The following NRXN1 variants were observed in gnomAD, a reference collection of about 807,000 sequenced individuals.
The protein encoded by NRXN1 is neurexin 1.
Under a neutral mutation model 150.9 loss-of-function variants are expected in NRXN1, and 39 were observed. That is an observed-to-expected ratio of 0.26 (90% CI 0.20 to 0.34). The LOEUF is 0.34. NRXN1 is among the 10% of genes least tolerant of loss of function. The pLI is 1.00. For synonymous variants in NRXN1, 924 were observed against 757.0 expected, an observed-to-expected ratio of 1.22 and a Z score of -3.62; for missense variants, 1,815 against 1,949.9, an observed-to-expected ratio of 0.93 and a Z score of 1.30.
chr2:50,371,410 A>C (rs945360802), intron 17 of NRXN1, among the ~76,000 whole-genome samples: 4 of 152,054 alleles, frequency 2.6e-5, no homozygotes, highest in Admixed American at 2.6e-4. Flanking sequence ...TATCCTGAGA[A>C]TATGCCTTGT....
intron 5 of NRXN1, among the ~76,000 whole-genome samples, chr2:50,905,393 A>C (rs182581685): frequency 5.9e-5 from 9 of 152,252 alleles, no homozygotes; most frequent in African/African-American, 2.2e-4. Flanking sequence ...GTTAGGGCAC[A>C]CAGTAGGGAG....
At chr2:50,883,034 AT>A (rs1679685389) in intron 5 of NRXN1, among the ~76,000 whole-genome samples, 2 of 151,878 alleles carry the variant, frequency 1.3e-5, no homozygotes, top group African/African-American at 2.4e-5. Context: ...CCATAAAATT[AT>A]TTTTTAAATT....
rs545856833 is a variant in NRXN1 at position 50,111,301 on chromosome 2, T to C, written c.3547-19807A>G. ...TTCAACTTGAAACATGCCAGTGATG[T>C]TATTAGTTCTCAAAGCAGCCTATTC... On this transcript the variant is annotated intron_variant, in intron 18 of 22. Coordinates refer to ENST00000401669, the MANE Select transcript of NRXN1 (RefSeq NM_001330078.2). Among the ~76,000 whole-genome samples, 74 of 152,252 alleles carry C rather than the reference T, an allele frequency of 4.9e-4. No individual in the cohort carries two copies. The South Asian group carries it at 0.015, about 31-fold the overall frequency.
chr2:50,380,382 G>C (rs545751312), intron 17 of NRXN1, among the ~76,000 whole-genome samples: 36 of 151,950 alleles, frequency 2.4e-4, no homozygotes, highest in African/African-American at 8.4e-4. Flanking sequence ...TATCTTAACT[G>C]TCAAAATGGT....
intron 12 of NRXN1, among the ~76,000 whole-genome samples, chr2:50,517,445 G>T (rs1360944245): frequency 2.0e-5 from 3 of 151,926 alleles, no homozygotes; most frequent in Admixed American, 1.3e-4. Flanking sequence ...AATACCCCTT[G>T]ATATTAAATT....
chr2:50,281,510 T>G (rs1031981023), intron 17 of NRXN1, among the ~76,000 whole-genome samples: 1 of 151,956 alleles, frequency 6.6e-6, no homozygotes, highest in Non-Finnish European at 1.5e-5. Context: ...TGTGGGATTG[T>G]TGAGGCTCAA....
At chr2:50,738,392 C>G (rs1167713347) in intron 5 of NRXN1, among the ~76,000 whole-genome samples, 1 of 152,156 alleles carries the variant, frequency 6.6e-6, no homozygotes, top group Admixed American at 6.5e-5. Flanking sequence ...AAGGACAGAT[C>G]TGTGACTGCC....
chr2:50,797,965 C>G (rs62140600), intron 5 of NRXN1, among the ~76,000 whole-genome samples: 1 of 152,074 alleles, frequency 6.6e-6, no homozygotes, highest in African/African-American at 2.4e-5. Flanking sequence ...GCTCACATAA[C>G]TCAACTATTT....
chr2:50,328,554 G>A (rs1301697375), intron 17 of NRXN1, among the ~76,000 whole-genome samples: 1 of 151,964 alleles, frequency 6.6e-6, no homozygotes, highest in Non-Finnish European at 1.5e-5. Context: ...GGCCAACAGG[G>A]TGAAACCCAT....
intron 18 of NRXN1, among the ~76,000 whole-genome samples, chr2:50,124,670 A>G (rs1704323197): frequency 6.6e-6 from 1 of 152,120 alleles, no homozygotes; most frequent in South Asian, 2.1e-4. Flanking sequence ...CATTCATCAG[A>G]CTTACCTCCC....
intron 21 of NRXN1, chr2:50,019,145 G>C (rs751387518): frequency 2.1e-6 from 1 of 469,342 alleles, no homozygotes; most frequent in East Asian, 7.0e-5. Flanking sequence ...TATAGGGTTC[G>C]ATTACTCATC....
intron 17 of NRXN1, among the ~76,000 whole-genome samples, chr2:50,458,123 T>C (rs182381607): frequency 6.6e-6 from 1 of 152,232 alleles, no homozygotes; most frequent in East Asian, 1.9e-4. Flanking sequence ...AAATGGTATA[T>C]ATATTCCAAT....
chr2:50,544,777 A>G (rs1236482442), intron 9 of NRXN1, among the ~76,000 whole-genome samples: 1 of 152,170 alleles, frequency 6.6e-6, no homozygotes, highest in Non-Finnish European at 1.5e-5. Flanking sequence ...CAATATACAC[A>G]AAGATTTCAT....
At chr2:50,252,350 T>C (rs2222317) in intron 17 of NRXN1, among the ~76,000 whole-genome samples, 61,332 of 148,974 alleles carry the variant, frequency 0.41, 12,826 homozygotes, top group Middle Eastern at 0.45. Flanking sequence ...CCTCTGTCTC[T>C]TGGGTTCAAG....
intron 5 of NRXN1, among the ~76,000 whole-genome samples, chr2:50,881,740 ATG>A (rs1393327629): frequency 1.3e-5 from 2 of 151,734 alleles, no homozygotes; most frequent in Non-Finnish European, 2.9e-5. Context: ...CCAAATAATA[ATG>A]TCTCTGAAAT....
At chr2:51,013,601 A>G (rs1668231607) in intron 2 of NRXN1, among the ~76,000 whole-genome samples, 1 of 152,010 alleles carries the variant, frequency 6.6e-6, no homozygotes, top group African/African-American at 2.4e-5. Context: ...AACTGAAAAT[A>G]TATTTCAAAT....
chr2:49,991,583 T>C (rs1162679416), intron 21 of NRXN1, among the ~76,000 whole-genome samples: 1 of 152,144 alleles, frequency 6.6e-6, no homozygotes, highest in Non-Finnish European at 1.5e-5. Flanking sequence ...CCTTGAGGAA[T>C]GAAATCTAGT....
At position 50,149,026 on chromosome 2, in the gene NRXN1, G is replaced by T. The variant is rs546003272; in HGVS notation, c.3547-57532C>A. 3.4e-4 allele frequency among the ~76,000 whole-genome samples: 52 copies of T among 151,842 alleles called. 4 individuals are homozygous for T. The South Asian group carries it at 0.011, about 31-fold the overall frequency. The stretch of plus-strand genomic sequence containing the variant: ...TATTAACAATATGTTTTCTCTAAGA[G>T]CATAGCATAAAGTAGTGAAAATAGA... On this transcript the variant is annotated intron_variant, in intron 18 of 22. Coordinates refer to ENST00000401669, the MANE Select transcript of NRXN1 (RefSeq NM_001330078.2).
At chr2:50,294,104 A>G (rs1399331390) in intron 17 of NRXN1, among the ~76,000 whole-genome samples, 7 of 152,204 alleles carry the variant, frequency 4.6e-5, no homozygotes, top group East Asian at 1.9e-4. Context: ...CCAAATTCCA[A>G]TGAAACCTTT....
Sources: gnomAD v4.1 joint callset for allele counts (sites outside exome capture counted in the v4.1 genomes callset) on GRCh38, gnomAD v4.1.1 for gene constraint, MANE v1.5 for transcripts, NCBI Gene and HGNC (gene_info 2026-07-23, HGNC 2026-07-21) for gene names.